Variants in GRIA1 observed in about 807,000 individuals in gnomAD.
GRIA1 encodes the protein glutamate ionotropic receptor AMPA type subunit 1.
Under a neutral mutation model 99.2 loss-of-function variants are expected in GRIA1, and 31 were observed. The observed-to-expected ratio is 0.31, with a 90% CI of 0.23 to 0.42. The LOEUF is 0.42. GRIA1 is among the 10% of genes least tolerant of loss of function. The probability of loss-of-function intolerance (pLI) is 1.00; values close to 1 mark genes in which losing one functional copy is unlikely to be tolerated. For missense variants in GRIA1, 782 were observed against 1,157.5 expected (o/e 0.68, Z 4.71); for synonymous variants, 438 against 432.4 (o/e 1.01, Z -0.16).
At position 153,605,076 on chromosome 5, in the gene GRIA1, A is replaced by G. The variant is rs149067276; in HGVS notation, c.221-41852A>G. ...GTGGTGCACACCTGTAATCCCAGCT[A>G]CTAGGGAGGCTGAGACAGGAGAATC... On this transcript the variant is annotated intron_variant, in intron 2 of 15. Transcript: ENST00000285900. 5.3e-3 allele frequency among the ~76,000 whole-genome samples: 803 copies of G among 152,134 alleles called. 8 individuals are homozygous for G. Among genetic ancestry groups the G allele is most frequent in the African/African-American group, 0.018 (756 of 41,500 alleles).
chr5:153,771,311 T>C (rs1763869108), intron 13 of GRIA1, among the ~76,000 whole-genome samples: 1 of 152,044 alleles, frequency 6.6e-6, no homozygotes, highest in African/African-American at 2.4e-5. Context: ...GGGGGAAGAG[T>C]TGCATTTCAG....
chr5:153,737,982 AG>A (rs1224249861), intron 11 of GRIA1, among the ~76,000 whole-genome samples: 1 of 152,232 alleles, frequency 6.6e-6, no homozygotes, highest in Non-Finnish European at 1.5e-5. Context: ...AAGAGGCTAA[AG>A]GAAGGGTATA....
chr5:153,727,544 G>T lies in GRIA1; in HGVS notation c.1823+21477G>T, dbSNP rs1014599117. Among the ~76,000 whole-genome samples, 56 of 152,226 alleles carry T rather than the reference G, an allele frequency of 3.7e-4. No individual in the cohort carries two copies. The Middle Eastern group carries it at 0.017, about 46-fold the overall frequency. On this transcript the variant is annotated intron_variant, in intron 11 of 15. Coordinates refer to ENST00000285900, the MANE Select transcript of GRIA1 (RefSeq NM_000827.4). ...ATAAGCAACTTCAGCAAAGTCTCAG[G>T]ATACAAAATCAATGTACAAAAATCA...
At chr5:153,577,875 G>C (rs564054904) in intron 2 of GRIA1, among the ~76,000 whole-genome samples, 2 of 152,104 alleles carry the variant, frequency 1.3e-5, no homozygotes, top group African/African-American at 4.8e-5. Context: ...GATTCCCCAG[G>C]CACAGTGGCT....
chr5:153,770,136 C>G, intron 12 of GRIA1, 32 bp from the exon 13 acceptor site: 2 of 1,609,910 alleles, frequency 1.2e-6, no homozygotes, highest in Non-Finnish European at 1.7e-6. Context: ...TCCAAGCGCA[C>G]TTAATTCCAG....
chr5:153,526,813 G>A (rs1238219367), intron 2 of GRIA1, among the ~76,000 whole-genome samples: 1 of 152,220 alleles, frequency 6.6e-6, no homozygotes, highest in Non-Finnish European at 1.5e-5. Flanking sequence ...TTGGACTCAG[G>A]CAAAGCTGAT....
intron 11 of GRIA1, among the ~76,000 whole-genome samples, chr5:153,740,349 C>G (rs537906055): frequency 1.3e-5 from 2 of 152,164 alleles, no homozygotes; most frequent in Non-Finnish European, 2.9e-5. Flanking sequence ...AGATGGAGAA[C>G]TGGGCACAGC....
Position 153,686,229 on chromosome 5 carries a change from G to T in GRIA1, c.1034G>T (p.Arg345Leu), listed in dbSNP as rs142859488. Residue 345 changes from arginine (R) to leucine (L), a missense_variant, in exon 8 of 16, where the codon CGA (arginine) becomes CTA (leucine). Physicochemically the swap from Arg to Leu is moderately radical, Grantham distance 102. Around this residue, in one of 5 missense-constraint regions of GRIA1, gnomAD observed 461 missense variants for 521.7 expected, o/e 0.88. Transcript: ENST00000285900. ...CCACTTGGTTTTGTTTTCCAGGTGC[G>T]ATTTGAAGGTTTAACAGGAAACGTG... ...IDIQRALQQV[R>L]FEGLTGNVQF... is the part of the protein sequence containing the mutation. 3.7e-6 allele frequency: 6 copies of T among 1,612,978 alleles called. No homozygotes were observed. The African/African-American group carries it at 8.0e-5, about 22-fold the overall frequency.
At chr5:153,716,548 G>C (rs1759679213) in intron 11 of GRIA1, among the ~76,000 whole-genome samples, 1 of 152,260 alleles carries the variant, frequency 6.6e-6, no homozygotes, top group East Asian at 1.9e-4. Context: ...TGAGGGAGCA[G>C]AGGCGAGCAC....
intron 12 of GRIA1, among the ~76,000 whole-genome samples, chr5:153,768,395 G>A (rs1232647609): frequency 6.6e-6 from 1 of 152,112 alleles, no homozygotes; most frequent in Admixed American, 6.5e-5. Context: ...CCAAAGAGAA[G>A]GGACTCTCCA....
At chr5:153,751,492 C>T (rs757582342) in intron 11 of GRIA1, among the ~76,000 whole-genome samples, 4 of 152,248 alleles carry the variant, frequency 2.6e-5, no homozygotes, top group Non-Finnish European at 4.4e-5. Context: ...GTTACTGGAA[C>T]ACAGCCATGC....
chr5:153,511,229 C>T (rs1271819863), intron 2 of GRIA1, among the ~76,000 whole-genome samples: 1 of 152,108 alleles, frequency 6.6e-6, no homozygotes, highest in Non-Finnish European at 1.5e-5. Context: ...AGCATAGTTC[C>T]CAAAGCAGTG....
chr5:153,528,353 G>A (rs751016949), intron 2 of GRIA1, among the ~76,000 whole-genome samples: 2 of 152,044 alleles, frequency 1.3e-5, no homozygotes, highest in African/African-American at 2.4e-5. Context: ...CAGGATTATA[G>A]CCAAACCCAT....
At chr5:153,803,387 C>T (rs1044668266) in intron 15 of GRIA1, among the ~76,000 whole-genome samples, 1 of 152,192 alleles carries the variant, frequency 6.6e-6, no homozygotes, top group African/African-American at 2.4e-5. Context: ...GGAAGTTAAT[C>T]ATGTGAACAA....
intron 5 of GRIA1, among the ~76,000 whole-genome samples, chr5:153,665,989 C>G (rs1369105516): frequency 1.3e-5 from 2 of 152,144 alleles, no homozygotes; most frequent in African/African-American, 4.8e-5. Flanking sequence ...TGCCCAAGGA[C>G]AAACAACTCA....
chr5:153,590,687 TA>T (rs903541406), intron 2 of GRIA1, among the ~76,000 whole-genome samples: 2 of 151,650 alleles, frequency 1.3e-5, no homozygotes, highest in Middle Eastern at 3.4e-3. Flanking sequence ...TATATTTTCC[TA>T]AAAAAAAATT....
chr5:153,532,216 A>G (rs1758159671), intron 2 of GRIA1, among the ~76,000 whole-genome samples: 1 of 152,180 alleles, frequency 6.6e-6, no homozygotes, highest in African/African-American at 2.4e-5. Flanking sequence ...ACTGATGAGT[A>G]TCTTGTTCCT....
intron 10 of GRIA1, among the ~76,000 whole-genome samples, chr5:153,704,923 A>G (rs750331192): frequency 6.6e-6 from 1 of 152,178 alleles, no homozygotes; most frequent in African/African-American, 2.4e-5. Flanking sequence ...ACCATAGTCT[A>G]CCTACAACTT....
At chr5:153,776,420 A>G (rs1420333101) in intron 13 of GRIA1, among the ~76,000 whole-genome samples, 2 of 152,144 alleles carry the variant, frequency 1.3e-5, no homozygotes, top group Admixed American at 1.3e-4. Context: ...TACCTCCCAA[A>G]CAGAATAATT....
Sources: gnomAD v4.1 joint callset for allele counts (sites outside exome capture counted in the v4.1 genomes callset) on GRCh38, gnomAD v4.1.1 for gene constraint, gnomAD v4.1.1 regional missense constraint, MANE v1.5 for transcripts, NCBI Gene and HGNC (gene_info 2026-07-23, HGNC 2026-07-21) for gene names.